NEGR1: variants seen among roughly 807,000 people sequenced by gnomAD.
The protein encoded by NEGR1 is IgLON family member 4.
Under a neutral mutation model 40.9 loss-of-function variants are expected in NEGR1, and 10 were observed. That is an observed-to-expected ratio of 0.24 (90% CI 0.15 to 0.42). The LOEUF (loss-of-function observed/expected upper bound fraction) is 0.42, where lower values mean the gene tolerates loss of function less well. NEGR1 is among the 10% of genes least tolerant of loss of function. NEGR1 has a pLI of 1.00. For missense variants in NEGR1, 352 were observed against 438.9 expected, an observed-to-expected ratio of 0.80 and a Z score of 1.77; for synonymous variants, 185 against 166.8, an observed-to-expected ratio of 1.11 and a Z score of -0.84.
intron 1 of NEGR1, among the ~76,000 whole-genome samples, chr1:72,045,926 A>G (rs1646997858): frequency 6.6e-6 from 1 of 151,810 alleles, no homozygotes; most frequent in South Asian, 2.1e-4. Context: ...GTTAGGAAAT[A>G]CAGTTTTGTC....
chr1:72,141,619 A>G (rs963291325), intron 1 of NEGR1, among the ~76,000 whole-genome samples: 1 of 152,040 alleles, frequency 6.6e-6, no homozygotes, highest in Non-Finnish European at 1.5e-5. Flanking sequence ...AAAGAGTGAC[A>G]GTCTGATTAA....
In NEGR1 at chr1:72,245,161, A is replaced by T. The variant is rs541784514; in HGVS notation, c.176+37158T>A. Reference sequence around the variant, plus strand: ...GTCAGAGATACAGATTTGGGTGATCACAAAAAATTATAGTGACTTCACCAA... The same window carrying T: ...GTCAGAGATACAGATTTGGGTGATCTCAAAAAATTATAGTGACTTCACCAA... On this transcript the variant is annotated intron_variant, in intron 1 of 6. Transcript: ENST00000357731. Among the ~76,000 whole-genome samples, 26 of 152,178 alleles carry T rather than the reference A, an allele frequency of 1.7e-4. No individual in the cohort carries two copies. In the South Asian group the frequency reaches 5.4e-3, roughly 32 times the overall value.
chr1:71,944,987 GT>G (rs910448756), intron 1 of NEGR1, among the ~76,000 whole-genome samples: 1 of 151,864 alleles, frequency 6.6e-6, no homozygotes, highest in Admixed American at 6.6e-5. Flanking sequence ...AAAAATTAAT[GT>G]TTTTTTAAAC....
intron 1 of NEGR1, among the ~76,000 whole-genome samples, chr1:71,956,500 C>G (rs536080400): frequency 1.3e-5 from 2 of 152,138 alleles, no homozygotes; most frequent in Non-Finnish European, 2.9e-5. Context: ...AGAGAGAACA[C>G]TTTCCATACA....
At chr1:71,628,029 T>A (rs1557592697) in intron 4 of NEGR1, among the ~76,000 whole-genome samples, 3 of 152,034 alleles carry the variant, frequency 2.0e-5, no homozygotes, top group Non-Finnish European at 4.4e-5. Flanking sequence ...GGGTGATAAC[T>A]CACCATGGGA....
intron 2 of NEGR1, among the ~76,000 whole-genome samples, chr1:71,911,304 A>G (rs1661415303): frequency 6.6e-6 from 1 of 152,196 alleles, no homozygotes; most frequent in Non-Finnish European, 1.5e-5. Flanking sequence ...TTATTAAAAT[A>G]TGATTAAGTG....
chr1:71,729,616 A>G (rs1654786942), intron 3 of NEGR1, among the ~76,000 whole-genome samples: 2 of 151,960 alleles, frequency 1.3e-5, no homozygotes, highest in South Asian at 2.1e-4. Flanking sequence ...TCATTAAGAG[A>G]TGTAGCTGAA....
intron 2 of NEGR1, among the ~76,000 whole-genome samples, chr1:71,806,888 GTTTTTTTTTGTTT>G (rs1473808462): frequency 8.3e-6 from 1 of 120,552 alleles, no homozygotes; most frequent in Admixed American, 8.7e-5. Context: ...ATGTCGATCT[GTTTTTTTTTGTTT>G]TTTTTTTTTG....
intron 1 of NEGR1, among the ~76,000 whole-genome samples, chr1:71,979,233 G>T (rs2100335311): frequency 6.6e-6 from 1 of 152,128 alleles, no homozygotes; most frequent in Non-Finnish European, 1.5e-5. Flanking sequence ...GGAAGGAGAG[G>T]AACGGAAAAA....
intron 2 of NEGR1, among the ~76,000 whole-genome samples, chr1:71,811,875 T>G (rs1252994363): frequency 6.7e-6 from 1 of 149,110 alleles, no homozygotes; most frequent in Non-Finnish European, 1.5e-5. Context: ...TTATTTTATT[T>G]TATTTTATTT....
At chr1:72,234,932 A>G (rs1654498439) in intron 1 of NEGR1, among the ~76,000 whole-genome samples, 1 of 152,140 alleles carries the variant, frequency 6.6e-6, no homozygotes, top group South Asian at 2.1e-4. Context: ...ACCCAAAGGA[A>G]TATAATTCAG....
At chr1:71,876,910 C>T (rs922539110) in intron 2 of NEGR1, among the ~76,000 whole-genome samples, 3 of 151,916 alleles carry the variant, frequency 2.0e-5, no homozygotes, top group African/African-American at 7.3e-5. Context: ...AATTCCCATG[C>T]TACCTGAATT....
chr1:71,948,017 T>A (rs1015291249), intron 1 of NEGR1, among the ~76,000 whole-genome samples: 5 of 152,186 alleles, frequency 3.3e-5, no homozygotes, highest in African/African-American at 1.2e-4. Flanking sequence ...AGAATTATTA[T>A]AATATAAGTT....
chr1:71,950,064 TG>T (rs1646055510), intron 1 of NEGR1, among the ~76,000 whole-genome samples: 1 of 152,106 alleles, frequency 6.6e-6, no homozygotes, highest in Non-Finnish European at 1.5e-5. Context: ...GGTTTTAATT[TG>T]ACTCAAACAA....
intron 4 of NEGR1, among the ~76,000 whole-genome samples, chr1:71,646,262 CA>C (rs1651526973): frequency 6.6e-6 from 1 of 151,578 alleles, no homozygotes; most frequent in Admixed American, 6.6e-5. Context: ...GAATAATGCA[CA>C]TTTTTTTAAA....
intron 6 of NEGR1, among the ~76,000 whole-genome samples, chr1:71,412,010 A>AT (rs937656681): frequency 6.6e-6 from 1 of 152,052 alleles, no homozygotes; most frequent in Non-Finnish European, 1.5e-5. Context: ...AAAAAAAAAA[A>AT]GTAAAGCCTA....
rs1411519438 is a variant in NEGR1, at chr1:71,405,899, C to T, written c.*1547G>A. On this transcript the variant is annotated 3_prime_UTR_variant, in exon 7 of 7. Coordinates refer to ENST00000357731, the MANE Select transcript of NEGR1 (RefSeq NM_173808.3). ...TGTAAAATGGCTTTCAAGGTGATGGCCTTTCTTTAGTAAAGAGTGAAACCA... is the reference window on the plus strand; with the variant it reads ...TGTAAAATGGCTTTCAAGGTGATGGTCTTTCTTTAGTAAAGAGTGAAACCA... 6.6e-6 allele frequency: 1 copy of T among 152,116 alleles called. No individual in the cohort carries two copies. The highest frequency in any genetic ancestry group is 1.5e-5 in the Non-Finnish European group (1 of 67,800). 9.4% of individuals were successfully genotyped at this position (152,116 alleles called of 1,614,324 possible).
chr1:71,722,948 T>C (rs1654557591), intron 3 of NEGR1, among the ~76,000 whole-genome samples: 1 of 152,114 alleles, frequency 6.6e-6, no homozygotes, highest in African/African-American at 2.4e-5. Context: ...ACAGCTTCTT[T>C]TGTCATCCCA....
intron 1 of NEGR1, among the ~76,000 whole-genome samples, chr1:72,250,673 G>T (rs939159339): frequency 1.2e-4 from 18 of 152,144 alleles, no homozygotes; most frequent in African/African-American, 4.1e-4. Context: ...ATAAGAAAAT[G>T]ATAGTTAACC....
Sources: allele counts gnomAD v4.1 joint callset (sites outside exome capture counted in the v4.1 genomes callset), GRCh38; gene constraint gnomAD v4.1.1; transcripts MANE v1.5; gene names NCBI Gene and HGNC (gene_info 2026-07-23, HGNC 2026-07-21).